The following ARHGEF10L variants were observed in gnomAD, a reference collection of about 807,000 sequenced individuals.
The protein encoded by ARHGEF10L is Rho guanine nucleotide exchange factor 10 like.
Under a neutral mutation model 141.2 loss-of-function variants are expected in ARHGEF10L, and 69 were observed. The observed-to-expected ratio is 0.49, with a 90% CI of 0.40 to 0.60. The LOEUF (loss-of-function observed/expected upper bound fraction) is 0.60. Ranked by LOEUF, ARHGEF10L falls within the 20% of genes least tolerant of loss-of-function variation. The pLI, the probability that ARHGEF10L is intolerant of heterozygous loss-of-function variation, is 0.00. For missense variants in ARHGEF10L, 1,482 were observed against 1,734.3 expected (o/e 0.85, Z 2.58); for synonymous variants, 711 against 718.5 (o/e 0.99, Z 0.17).
chr1:17,604,057 T>C (rs112102485), intron 6 of ARHGEF10L, among the ~76,000 whole-genome samples: 3 of 152,226 alleles, frequency 2.0e-5, no homozygotes, highest in African/African-American at 7.2e-5. Flanking sequence ...GGGGCGAGTC[T>C]TGCTGGAACT....
chr1:17,541,508 G>A (rs1231564522), intron 1 of ARHGEF10L, among the ~76,000 whole-genome samples: 1 of 152,238 alleles, frequency 6.6e-6, no homozygotes, highest in Non-Finnish European at 1.5e-5. Flanking sequence ...GAAAGCTGGT[G>A]TACTGCTCTG....
chr1:17,553,725 G>T (rs1055604032), intron 1 of ARHGEF10L, among the ~76,000 whole-genome samples: 1 of 152,164 alleles, frequency 6.6e-6, no homozygotes, highest in Non-Finnish European at 1.5e-5. Context: ...GGAGGTTGAG[G>T]CTGCAGTGAG....
At chr1:17,530,727 C>A in the ARHGEF10L span, among the ~76,000 whole-genome samples, 8 of 152,128 alleles carry the variant, frequency 5.3e-5, no homozygotes, top group South Asian at 1.0e-3. Context: ...TTGAAAGCAG[C>A]CATTCTGGTT....
intron 1 of ARHGEF10L, among the ~76,000 whole-genome samples, chr1:17,577,598 A>G (rs2078275595): frequency 3.9e-5 from 6 of 152,192 alleles, no homozygotes; most frequent in Admixed American, 2.0e-4. Flanking sequence ...GCCTATGGGT[A>G]TGGGCAGGGC....
In ARHGEF10L at chr1:17,627,527, T is replaced by C. The variant is rs779197822; in HGVS notation, c.1584+24T>C. ...AGGTGAGCTGGGCCTCCCACCTGCC[T>C]GCCCTCACCTGCCTGCCCTCACCTG... On this transcript the variant is annotated intron_variant, in intron 15 of 28. Coordinates refer to ENST00000361221, the MANE Select transcript of ARHGEF10L (RefSeq NM_018125.4). The surrounding 1 kb of genome is among the most constrained non-coding windows in gnomAD (Gnocchi z 4.0). 1.2e-6 allele frequency: 2 copies of C among 1,605,958 alleles called. No homozygotes were observed. Among genetic ancestry groups the C allele is most frequent in the Non-Finnish European group, 1.7e-6 (2 of 1,176,916 alleles).
the ARHGEF10L span, among the ~76,000 whole-genome samples, chr1:17,525,647 A>G: frequency 6.6e-6 from 1 of 152,204 alleles, no homozygotes; most frequent in African/African-American, 2.4e-5. Context: ...CAACAGAGCG[A>G]GACTCCTTTC....
chr1:17,565,108 G>T (rs1343482164), intron 1 of ARHGEF10L, among the ~76,000 whole-genome samples: 2 of 152,216 alleles, frequency 1.3e-5, no homozygotes, highest in African/African-American at 2.4e-5. Context: ...TCGGTGTCTG[G>T]TGAGGGCCTG....
intron 10 of ARHGEF10L, among the ~76,000 whole-genome samples, chr1:17,620,757 C>G (rs865949448): frequency 6.6e-6 from 1 of 152,106 alleles, no homozygotes; most frequent in African/African-American, 2.4e-5. Flanking sequence ...CCTCCCAACC[C>G]GAGATCGAGA....
rs150199284 is a variant in ARHGEF10L, at chr1:17,669,818, G to T, written c.3009+5223G>T. 8.3e-3 allele frequency among the ~76,000 whole-genome samples: 1,261 copies of T among 152,346 alleles called. 18 individuals are homozygous for T. Among genetic ancestry groups the T allele is most frequent in the Non-Finnish European group, 0.011 (745 of 68,032 alleles). On this transcript the variant is annotated intron_variant, in intron 26 of 28. Coordinates refer to ENST00000361221, the MANE Select transcript of ARHGEF10L (RefSeq NM_018125.4). The stretch of plus-strand genomic sequence containing the variant: ...TGCTGGAGGCACAGAAATGAGCAAG[G>T]TGGGCTCAGCAGTCCAGGAGCTCGG...
chr1:17,582,614 C>T (rs1015330130), intron 2 of ARHGEF10L, among the ~76,000 whole-genome samples: 2 of 152,220 alleles, frequency 1.3e-5, no homozygotes, highest in Admixed American at 6.5e-5. Context: ...CTGGAATCCA[C>T]GCTTTAGTTG....
chr1:17,565,965 G>C (rs2077739628), intron 1 of ARHGEF10L, among the ~76,000 whole-genome samples: 1 of 152,130 alleles, frequency 6.6e-6, no homozygotes, highest in Non-Finnish European at 1.5e-5. Context: ...GTCTAGCGGG[G>C]AGAGGCACAA....
At chr1:17,527,604 A>C in the ARHGEF10L span, among the ~76,000 whole-genome samples, 1 of 151,914 alleles carries the variant, frequency 6.6e-6, no homozygotes, top group Non-Finnish European at 1.5e-5. Context: ...TTCTGGGAAA[A>C]TGCTTGATCA....
chr1:17,608,017 C>A, intron 7 of ARHGEF10L, 40 bp downstream of exon 7: 1 of 312,900 alleles, frequency 3.2e-6, no homozygotes, highest in South Asian at 2.8e-5. Flanking sequence ...AGTCAGGGCA[C>A]GGAGACCCCT....
chr1:17,647,882 C>T (rs1299557211), intron 21 of ARHGEF10L, among the ~76,000 whole-genome samples: 2 of 152,224 alleles, frequency 1.3e-5, no homozygotes, highest in East Asian at 3.9e-4. Flanking sequence ...AGCATGGTGA[C>T]CTCCCGTGGT....
intron 1 of ARHGEF10L, among the ~76,000 whole-genome samples, chr1:17,578,539 T>C (rs2078318624): frequency 1.3e-5 from 1 of 75,742 alleles, no homozygotes; most frequent in African/African-American, 3.4e-5. Context: ...TTTAAAAAAT[T>C]AGCCAGGCAT....
chr1:17,590,306 T>TTG (rs1469542499), intron 4 of ARHGEF10L, among the ~76,000 whole-genome samples: 1 of 152,128 alleles, frequency 6.6e-6, no homozygotes, highest in African/African-American at 2.4e-5. Context: ...AGATGATCTC[T>TTG]GAGCTCTTGG....
At chr1:17,532,898 C>G in the ARHGEF10L span, among the ~76,000 whole-genome samples, 1 of 152,074 alleles carries the variant, frequency 6.6e-6, no homozygotes, top group Non-Finnish European at 1.5e-5. Context: ...CCCACCACCC[C>G]CTCTTGACCT....
intron 26 of ARHGEF10L, among the ~76,000 whole-genome samples, chr1:17,672,570 T>A (rs1434609571): frequency 1.3e-5 from 2 of 152,080 alleles, no homozygotes; most frequent in Non-Finnish European, 2.9e-5. Flanking sequence ...TTTGTCTTAA[T>A]TTTTTTTGTT....
chr1:17,695,069 G>T (rs777343418), intron 27 of ARHGEF10L, 89 bp from the exon 28 acceptor site: 5 of 1,583,138 alleles, frequency 3.2e-6, no homozygotes, highest in Non-Finnish European at 3.4e-6. Context: ...GGAGGAGCCC[G>T]CTGTGCCAGG....
Sources: allele counts gnomAD v4.1 joint callset (sites outside exome capture counted in the v4.1 genomes callset), GRCh38; gene constraint gnomAD v4.1.1; non-coding constraint Gnocchi (gnomAD v3.1); transcripts MANE v1.5; gene names NCBI Gene and HGNC (gene_info 2026-07-23, HGNC 2026-07-21).